The following CCSER2 variants were observed in gnomAD, a reference collection of about 807,000 sequenced individuals.
CCSER2 encodes the protein serine-rich coiled-coil domain-containing protein 2.
CCSER2 carries 46 observed loss-of-function variants against 92.3 expected under a neutral mutation model. The ratio of observed to expected loss-of-function variants is 0.50; its 90% CI spans 0.39 to 0.64. The LOEUF (loss-of-function observed/expected upper bound fraction) is 0.64, where lower values mean the gene tolerates loss of function less well. Ranked by LOEUF, CCSER2 falls within the 30% of genes least tolerant of loss-of-function variation. CCSER2 has a pLI of 0.00. For missense variants in CCSER2, 1,244 were observed against 1,238.9 expected (o/e 1.00, Z -0.06); for synonymous variants, 433 against 431.4 (o/e 1.00, Z -0.04).
chr10:84,351,766 A>C (rs757197613), intron 1 of CCSER2, among the ~76,000 whole-genome samples: 7 of 152,228 alleles, frequency 4.6e-5, no homozygotes, highest in Non-Finnish European at 1.0e-4. Context: ...ATTAAGTGAG[A>C]TTTCAGTAGT....
At chr10:84,509,209 T>A (rs1849223854) in intron 9 of CCSER2, among the ~76,000 whole-genome samples, 1 of 152,224 alleles carries the variant, frequency 6.6e-6, no homozygotes, top group Non-Finnish European at 1.5e-5. Context: ...AACTAGTTTT[T>A]ATTTAATCAT....
chr10:84,451,332 A>G (rs1311236345), intron 6 of CCSER2, among the ~76,000 whole-genome samples: 1 of 146,830 alleles, frequency 6.8e-6, no homozygotes, highest in Admixed American at 7.0e-5. Context: ...TGCAGTGACT[A>G]CTCACAGGTG....
intron 6 of CCSER2, among the ~76,000 whole-genome samples, chr10:84,451,483 A>G (rs1003397360): frequency 6.6e-6 from 1 of 152,066 alleles, no homozygotes; most frequent in African/African-American, 2.4e-5. Context: ...TACTGAGGAA[A>G]ATTTATTAGT....
intron 3 of CCSER2, chr10:84,390,938 C>T: frequency 5.3e-6 from 4 of 757,248 alleles, no homozygotes; most frequent in Non-Finnish European, 9.9e-6. Flanking sequence ...GCACCTGTTA[C>T]TCACTTTGCT....
intron 3 of CCSER2, among the ~76,000 whole-genome samples, chr10:84,383,991 C>T (rs990246239): frequency 6.6e-6 from 1 of 152,078 alleles, no homozygotes; most frequent in Non-Finnish European, 1.5e-5. Flanking sequence ...TACAAAGGAT[C>T]ATCAGAGACT....
intron 9 of CCSER2, among the ~76,000 whole-genome samples, chr10:84,500,847 C>G (rs1311503380): frequency 2.0e-5 from 3 of 151,986 alleles, no homozygotes. Flanking sequence ...TCAAAGGTGT[C>G]AAAGGAGGAA....
intron 8 of CCSER2, among the ~76,000 whole-genome samples, chr10:84,474,916 G>A (rs1254016988): frequency 2.0e-5 from 3 of 152,116 alleles, no homozygotes; most frequent in African/African-American, 7.2e-5. Flanking sequence ...AAGAAATTAT[G>A]TAGGTCCCAT....
At chr10:84,397,911 T>C (rs1841925787) in intron 3 of CCSER2, among the ~76,000 whole-genome samples, 1 of 152,236 alleles carries the variant, frequency 6.6e-6, no homozygotes, top group Non-Finnish European at 1.5e-5. Flanking sequence ...GCAGTAAGTA[T>C]AGGATTGACT....
At chr10:84,406,366 C>T (rs888874623) in intron 3 of CCSER2, among the ~76,000 whole-genome samples, 1 of 152,104 alleles carries the variant, frequency 6.6e-6, no homozygotes, top group African/African-American at 2.4e-5. Context: ...TCTATTTGTG[C>T]TTTAAAATTT....
intron 6 of CCSER2, among the ~76,000 whole-genome samples, chr10:84,440,432 T>G (rs1844456639): frequency 6.6e-6 from 1 of 152,122 alleles, no homozygotes; most frequent in South Asian, 2.1e-4. Context: ...TGTGACTGAA[T>G]TTAAAAAAAA....
intron 9 of CCSER2, among the ~76,000 whole-genome samples, chr10:84,497,942 G>T (rs1481488465): frequency 6.6e-6 from 1 of 152,166 alleles, no homozygotes; most frequent in African/African-American, 2.4e-5. Context: ...AGATGAACCA[G>T]TCCAGCCTCT....
At chr10:84,454,163 T>C (rs1196661987) in intron 6 of CCSER2, among the ~76,000 whole-genome samples, 1 of 152,184 alleles carries the variant, frequency 6.6e-6, no homozygotes, top group Non-Finnish European at 1.5e-5. Flanking sequence ...TCTTCTACCT[T>C]CTAATGGTTA....
intron 3 of CCSER2, among the ~76,000 whole-genome samples, chr10:84,397,512 C>T (rs148215503): frequency 7.6e-4 from 116 of 152,270 alleles, no homozygotes; most frequent in Non-Finnish European, 1.3e-3. Context: ...TCAATACATT[C>T]ATTTTCTCTC....
At chr10:84,353,599 G>A (rs72841167) in intron 1 of CCSER2, among the ~76,000 whole-genome samples, 2,342 of 152,192 alleles carry the variant, frequency 0.015, 48 homozygotes, top group Non-Finnish European at 0.02. Flanking sequence ...CACCCTTCAG[G>A]TTTAGCCAAT....
intron 6 of CCSER2, among the ~76,000 whole-genome samples, chr10:84,460,331 T>C (rs2133650767): frequency 6.6e-6 from 1 of 150,662 alleles, no homozygotes; most frequent in Middle Eastern, 3.4e-3. Flanking sequence ...CTCAAACTCC[T>C]GACCTCAGGT....
At chr10:84,484,821 C>G (rs1407196982) in intron 9 of CCSER2, among the ~76,000 whole-genome samples, 1 of 152,006 alleles carries the variant, frequency 6.6e-6, no homozygotes, top group Non-Finnish European at 1.5e-5. Context: ...TTATGTTTGT[C>G]ATTTCTTCTA....
chr10:84,509,895 C>T (rs938457844), intron 9 of CCSER2, among the ~76,000 whole-genome samples: 9 of 152,118 alleles, frequency 5.9e-5, no homozygotes, highest in African/African-American at 2.2e-4. Flanking sequence ...TTGCCTGTCC[C>T]CTTCAAATCT....
chr10:84,446,571 T>G (rs965287171), intron 6 of CCSER2, among the ~76,000 whole-genome samples: 2 of 152,078 alleles, frequency 1.3e-5, no homozygotes, highest in Non-Finnish European at 2.9e-5. Flanking sequence ...TATCCCCATA[T>G]TTCTCTCATC....
chr10:84,489,093 G>A (rs56050247), intron 9 of CCSER2, among the ~76,000 whole-genome samples: 54,121 of 152,070 alleles, frequency 0.36, 11,530 homozygotes, highest in East Asian at 0.5. Context: ...ATTGCACTGT[G>A]GTCTGAGAGA....
Sources: allele counts gnomAD v4.1 joint callset (sites outside exome capture counted in the v4.1 genomes callset), GRCh38; gene constraint gnomAD v4.1.1; transcripts MANE v1.5; gene names NCBI Gene and HGNC (gene_info 2026-07-23, HGNC 2026-07-21).